The following AGRN variants were observed in gnomAD, a reference collection of about 807,000 sequenced individuals.
AGRN encodes the protein agrin, also known as agrin proteoglycan.
In AGRN, 106 loss-of-function variants were observed where a neutral mutation model predicts 211.0. The observed-to-expected ratio is 0.50, with a 90% confidence interval of 0.43 to 0.59. AGRN has a LOEUF of 0.59. Ranked by LOEUF, AGRN falls within the 20% of genes least tolerant of loss-of-function variation. The pLI, the probability that AGRN is intolerant of heterozygous loss-of-function variation, is 0.00. For synonymous variants in AGRN, 1,525 were observed against 1,332.5 expected, an observed-to-expected ratio of 1.14 and a Z score of -3.15; for missense variants, 3,040 against 2,982.6, an observed-to-expected ratio of 1.02 and a Z score of -0.45.
chr1:1,049,960 C>T lies in AGRN; in HGVS notation c.4802C>T (p.Ala1601Val), dbSNP rs749035094. 1.4e-4 allele frequency: 219 copies of T among 1,611,058 alleles called. 1 individual carries two copies. In the South Asian group the frequency reaches 1.6e-3, roughly 12 times the overall value. The change falls in exon 27 of 36, where the codon GCG (alanine) becomes GTG (valine). Residue 1601 changes from alanine to valine, a missense_variant. Physicochemically the swap from Ala to Val is moderately conservative, Grantham distance 64. Transcript: ENST00000379370. ...CAGCCCAACCCCTGCCATGGGGCGG[C>T]GCCCTGCCGTGTGCTGCCCGAGGGT... is the stretch of plus-strand genomic sequence containing the variant. ...PCQPNPCHGA[A>V]PCRVLPEGGA...
At position 1,049,357 on chromosome 1, in the gene AGRN, A is replaced by T. The variant is rs1452412157; in HGVS notation, c.4420A>T (p.Thr1474Ser). The change falls in exon 25 of 36, where the codon ACC becomes TCC. Residue 1474 changes from threonine to serine, a missense_variant. Thr to Ser is a moderately conservative substitution (Grantham distance 58). Around this residue, in one of 3 missense-constraint regions of AGRN, gnomAD observed 1,537 missense variants for 1,505.0 expected, o/e 1.02. Coordinates refer to ENST00000379370, the MANE Select transcript of AGRN (RefSeq NM_198576.4). ...GGGCACCCTCTCGGTGGATGGTGAG[A>T]CCCCTGTTCTGGGCGAGAGTCCCAG... is the stretch of plus-strand genomic sequence containing the variant. Reference protein sequence around the residue: ...RRGTLSVDGETPVLGESPSGT... With the variant: ...RRGTLSVDGESPVLGESPSGT... 1 of 1,596,138 alleles carries T rather than the reference A, an allele frequency of 6.3e-7. No individual in the cohort carries two copies. Among genetic ancestry groups the T allele is most frequent in the Admixed American group, 1.7e-5 (1 of 59,818 alleles).
In AGRN at chr1:1,043,623, C is replaced by G. The variant is rs1318693721; in HGVS notation, c.1689C>G (p.Ala563=). Residue 563 remains alanine, a synonymous_variant, in exon 9 of 36, where the codon GCC becomes GCG. Coordinates refer to ENST00000379370, the MANE Select transcript of AGRN (RefSeq NM_198576.4). ...CVCPSECVAL[A]QPVCGSDGHT... ...GCCCCTCTGAATGCGTGGCTTTGGC[C>G]CAGCCCGTGTGTGGCTCCGACGGGC... The G allele has an allele frequency of 4.4e-6, 7 of 1,603,914 alleles. No individual in the cohort carries two copies. The highest frequency in any genetic ancestry group is 5.1e-6 in the Non-Finnish European group (6 of 1,179,750).
Position 1,031,566 on chromosome 1 carries a change from G to C in AGRN, c.464-3711G>C, listed in dbSNP as rs998963427. 6.6e-6 allele frequency among the ~76,000 whole-genome samples: 1 copy of C among 152,100 alleles called. No individual in the cohort carries two copies. Among genetic ancestry groups the C allele is most frequent in the Non-Finnish European group, 1.5e-5 (1 of 67,992 alleles). ...TGCCTGCCTGGTTCCCCTTCCCCTG[G>C]CCCAGCCCAAGGGGCCCTAAGCCTC... On this transcript the variant is annotated intron_variant, in intron 2 of 35. Transcript: ENST00000379370. The surrounding 1 kb of genome is among the most constrained non-coding windows in gnomAD (Gnocchi z 4.8).
Position 1,031,200 on chromosome 1 carries a change from A to ATG in AGRN, c.464-4068_464-4067dup, listed in dbSNP as rs200239302. On this transcript the variant is annotated intron_variant, in intron 2 of 35. Coordinates refer to ENST00000379370, the MANE Select transcript of AGRN (RefSeq NM_198576.4). This position sits in a 1 kb window ranked among gnomAD's most constrained non-coding sequence, Gnocchi z 4.8. ...GCATGGTGCTGAGTGTGAGATCAGC[A>ATG]TGTGTGTGTGCAGTGCATGGTGCTG... is the stretch of plus-strand genomic sequence containing the variant. 1.8e-5 allele frequency among the ~76,000 whole-genome samples: 2 copies of ATG among 112,992 alleles called. No individual in the cohort carries two copies. Among genetic ancestry groups the ATG allele is most frequent in the Non-Finnish European group, 3.6e-5 (2 of 55,902 alleles). The allele number at this position is 112,992 out of a possible 152,430, so 74.1% of individuals were successfully genotyped here.
Position 1,043,249 on chromosome 1 carries a change from G to T in AGRN, c.1395G>T (p.Pro465=). 3.1e-6 allele frequency: 5 copies of T among 1,606,214 alleles called. No homozygotes were observed. Among genetic ancestry groups the T allele is most frequent in the Non-Finnish European group, 4.2e-6 (5 of 1,177,618 alleles). Residue 465 remains proline (P), a synonymous_variant, in exon 8 of 36, where the codon CCG becomes CCT. Transcript: ENST00000379370. The part of the protein sequence containing the change: ...SKHQGPCDQA[P]SPCLGVQCAF... ...CTGTGTCCTTCCCAGACCAGGCCCC[G>T]TCCCCATGCCTCGGGGTGCAGTGTG...
rs751526973 is a variant in AGRN at position 1,043,894 on chromosome 1, G to A, written c.1870G>A (p.Glu624Lys). 2 of 1,610,384 alleles carry A rather than the reference G, an allele frequency of 1.2e-6. No individual in the cohort carries two copies. The highest frequency in any genetic ancestry group is 8.5e-7 in the Non-Finnish European group (1 of 1,179,468). The change falls in exon 10 of 36, where the codon GAG becomes AAG. Residue 624 changes from glutamate to lysine, a missense_variant. By Grantham distance (56) the Glu-to-Lys change is moderately conservative. This residue lies in a region of AGRN where 1,498 missense variants were observed against 1,457.8 expected (regional missense o/e 1.03). Coordinates refer to ENST00000379370, the MANE Select transcript of AGRN (RefSeq NM_198576.4). ...SAGQCVCPRC[E>K]HPPPGPVCGS... ...AGGGCAGTGTGTGTGTCCCCGGTGT[G>A]AGCACCCCCCGCCCGGCCCCGTGTG...
Position 1,049,567 on chromosome 1 carries a change from G to T in AGRN, c.4516G>T (p.Ala1506Ser). The T allele has an allele frequency of 6.3e-7, 1 of 1,589,846 alleles. No homozygotes were observed. Among genetic ancestry groups the T allele is most frequent in the Non-Finnish European group, 8.6e-7 (1 of 1,169,310 alleles). ...ACCCGGTGTCCCTCCTGGTGGCAGG[G>T]CGCTGGAGCGGACCTTCGTGGGCGC... ...GGVPEDQAAV[A>S]LERTFVGAGL... is the part of the protein sequence containing the mutation. The change falls in exon 26 of 36, where the codon GCG becomes TCG. Residue 1506 changes from alanine to serine, a missense_variant and splice_region_variant. Transcript: ENST00000379370.
chr1:1,045,033 G>C, intron 12 of AGRN, 128 bp from the exon 13 acceptor site: 1 of 1,000,518 alleles, frequency 1.0e-6, no homozygotes, highest in South Asian at 1.4e-5. Flanking sequence ...CAGGCTCCCG[G>C]GCTCCTCTGG....
chr1:1,026,113 G>C (rs886562448), intron 2 of AGRN, among the ~76,000 whole-genome samples: 1 of 151,832 alleles, frequency 6.6e-6, no homozygotes, highest in Non-Finnish European at 1.5e-5. Context: ...AGGAACTCTT[G>C]GCTTTTTCCA....
intron 17 of AGRN, 53 bp downstream of exon 17, chr1:1,046,318 C>G: frequency 1.9e-6 from 3 of 1,610,828 alleles, no homozygotes; most frequent in Non-Finnish European, 2.5e-6. Context: ...CTGACGCTGC[C>G]CTAAATCCAG....
Position 1,051,731 on chromosome 1 carries a change from T to A in AGRN, c.5567T>A (p.Leu1856Gln). The A allele has an allele frequency of 6.2e-7, 1 of 1,613,770 alleles. No homozygotes were observed. The highest frequency in any genetic ancestry group is 1.3e-5 in the African/African-American group (1 of 75,058). Reference sequence around the variant, plus strand: ...CCCTCACCTGCCTATCTCACAGGGCTGGTGGAGAAGTCAGCGGGGGACGTG... The same window carrying A: ...CCCTCACCTGCCTATCTCACAGGGCAGGTGGAGAAGTCAGCGGGGGACGTG... ...GFSGPHCEKG[L>Q]VEKSAGDVDT... is the part of the protein sequence containing the mutation. The change falls in exon 33 of 36, where the codon CTG becomes CAG. Residue 1856 changes from leucine (L) to glutamine (Q), a missense_variant. Leu to Gln is a moderately radical substitution (Grantham distance 113). This residue lies in a region of AGRN where 1,537 missense variants were observed against 1,505.0 expected (regional missense o/e 1.02). Transcript: ENST00000379370.
chr1:1,040,932 A>T, intron 4 of AGRN, 52 bp downstream of exon 4: 1 of 1,149,132 alleles, frequency 8.7e-7, no homozygotes, highest in Non-Finnish European at 1.1e-6. Context: ...GGCCTATGAG[A>T]TGGAGCGAGG....
rs74223856 is a variant in AGRN, at chr1:1,053,522, C to A, written c.5652-231C>A. 9,152 of 1,528,996 alleles carry A rather than the reference C, an allele frequency of 6.0e-3. 69 individuals are homozygous for A. The highest frequency in any genetic ancestry group is 0.031 in the East Asian group (1,238 of 39,952). The allele number at this position is 1,528,996 out of a possible 1,614,324, so 94.7% of individuals were successfully genotyped here. A position where few individuals can be genotyped will look rare whatever the true frequency, so the allele number is the denominator to read the frequency against. On this transcript the variant is annotated intron_variant, in intron 33 of 35. Transcript: ENST00000379370. ...AGCACGTGGCAGCAGTGCCTGCAGA[C>A]CCCTGGCTGGCCCATCTGTCCTCCC...
intron 3 of AGRN, among the ~76,000 whole-genome samples, chr1:1,039,901 G>C (rs1375296239): frequency 6.6e-6 from 1 of 152,194 alleles, no homozygotes; most frequent in African/African-American, 2.4e-5. Flanking sequence ...CCGCGGGTGG[G>C]GGGCTGGCCA....
chr1:1,020,234 C>T lies in AGRN; in HGVS notation c.62C>T (p.Ala21Val), dbSNP rs1381813094. 2 of 1,431,262 alleles carry T rather than the reference C, an allele frequency of 1.4e-6. No individual in the cohort carries two copies. Among genetic ancestry groups the T allele is most frequent in the Non-Finnish European group, 1.8e-6 (2 of 1,092,352 alleles). 88.7% of individuals were successfully genotyped at this position (1,431,262 alleles called of 1,614,324 possible). A position where few individuals can be genotyped will look rare whatever the true frequency, so the allele number is the denominator to read the frequency against. ...CTGCTGCCGCTCCTTGTGGTGGCCGCGTGCGTCCTGCCCGGAGCCGGCGGG... is the reference window on the plus strand; with the variant it reads ...CTGCTGCCGCTCCTTGTGGTGGCCGTGTGCGTCCTGCCCGGAGCCGGCGGG... ...RPLLPLLVVA[A>V]CVLPGAGGTC... Residue 21 changes from alanine to valine, a missense_variant, in exon 1 of 36, where the codon GCG becomes GTG. Around this residue, in one of 3 missense-constraint regions of AGRN, gnomAD observed 1,498 missense variants for 1,457.8 expected, o/e 1.03. Transcript: ENST00000379370.
rs766982949 is a variant in AGRN, at chr1:1,045,179, T to C, written c.2273T>C (p.Leu758Pro). 6.2e-7 allele frequency: 1 copy of C among 1,612,494 alleles called. No individual in the cohort carries two copies. Among genetic ancestry groups the C allele is most frequent in the East Asian group, 2.2e-5 (1 of 44,880 alleles). ...CCTGCAGGCCCCACCTTCGCCCCGC[T>C]GCCGCCTGTGGCCCCCTTACACTGT... ...GACRGPTFAPLPPVAPLHCAQ... is the reference protein window; with the variant it reads ...GACRGPTFAPPPPVAPLHCAQ... Residue 758 changes from leucine to proline, a missense_variant, in exon 13 of 36, where the codon CTG becomes CCG. This residue lies in a region of AGRN where 1,498 missense variants were observed against 1,457.8 expected (regional missense o/e 1.03). Coordinates refer to ENST00000379370, the MANE Select transcript of AGRN (RefSeq NM_198576.4).
Position 1,049,945 on chromosome 1 carries a change from C to T in AGRN, c.4787C>T (p.Pro1596Leu), listed in dbSNP as rs751801544. The change falls in exon 27 of 36, where the codon CCC (proline) becomes CTC (leucine). Residue 1596 changes from proline (P) to leucine (L), a missense_variant. Coordinates refer to ENST00000379370, the MANE Select transcript of AGRN (RefSeq NM_198576.4). ...ADEKSPCQPN[P>L]CHGAAPCRVL... ...GAGAAGAGCCCCTGCCAGCCCAACC[C>T]CTGCCATGGGGCGGCGCCCTGCCGT... 2 of 1,612,334 alleles carry T rather than the reference C, an allele frequency of 1.2e-6. No homozygotes were observed. Among genetic ancestry groups the T allele is most frequent in the East Asian group, 2.2e-5 (1 of 44,862 alleles).
chr1:1,047,084 T>TG (rs1293041710), intron 19 of AGRN, 127 bp downstream of exon 19: 57 of 1,454,052 alleles, frequency 3.9e-5, no homozygotes, highest in Non-Finnish European at 5.2e-5. Context: ...CTCAAACATG[T>TG]GCGTGCCGGG....
intron 19 of AGRN, 117 bp from the exon 20 acceptor site, chr1:1,047,210 A>G (rs1645123988): frequency 6.7e-7 from 1 of 1,488,648 alleles, no homozygotes; most frequent in South Asian, 1.4e-5. Flanking sequence ...CCTCATGACC[A>G]TCTGACTAAC....
Sources: allele counts gnomAD v4.1 joint callset (sites outside exome capture counted in the v4.1 genomes callset), GRCh38; gene constraint gnomAD v4.1.1; regional missense constraint gnomAD v4.1.1; non-coding constraint Gnocchi (gnomAD v3.1); transcripts MANE v1.5; gene names NCBI Gene and HGNC (gene_info 2026-07-23, HGNC 2026-07-21).